Variants in DIS3L2 observed in about 807,000 individuals in gnomAD.
DIS3L2 encodes the protein DIS3-like exonuclease 2.
A neutral mutation model predicts 97.5 loss-of-function variants in DIS3L2; 34 were observed. The observed-to-expected ratio is 0.35, with a 90% CI of 0.27 to 0.46. DIS3L2 has a LOEUF of 0.46. DIS3L2 is among the 20% of genes least tolerant of loss of function. DIS3L2 has a pLI of 1.00. For synonymous variants in DIS3L2, 435 were observed against 445.2 expected (o/e 0.98, Z 0.29); for missense variants, 1,038 against 1,146.0 (o/e 0.91, Z 1.36).
chr2:232,054,884 A>T (rs555071089), intron 5 of DIS3L2, among the ~76,000 whole-genome samples: 2 of 152,192 alleles, frequency 1.3e-5, no homozygotes, highest in Non-Finnish European at 2.9e-5. Flanking sequence ...GAATCCATAG[A>T]TATGTTGTAG....
At chr2:232,238,921 A>G (rs1359235462) in intron 11 of DIS3L2, among the ~76,000 whole-genome samples, 1 of 152,216 alleles carries the variant, frequency 6.6e-6, no homozygotes, top group African/African-American at 2.4e-5. Flanking sequence ...TAGTTTTTGT[A>G]AGGTTTTATT....
At chr2:232,284,384 A>G (rs1181953151) in intron 13 of DIS3L2, among the ~76,000 whole-genome samples, 3 of 152,188 alleles carry the variant, frequency 2.0e-5, no homozygotes, top group Non-Finnish European at 2.9e-5. Flanking sequence ...TAGGCATGGT[A>G]ACTGCACCCA....
intron 9 of DIS3L2, among the ~76,000 whole-genome samples, chr2:232,175,818 C>A (rs576812914): frequency 6.6e-5 from 10 of 151,972 alleles, no homozygotes; most frequent in Admixed American, 5.9e-4. Context: ...TTTATTAATT[C>A]GGTATCTTTT....
rs372120675 is a variant in DIS3L2 at position 232,045,086 on chromosome 2, A to C, written c.366+15006A>C. Among the ~76,000 whole-genome samples, 15 of 152,284 alleles carry C rather than the reference A, an allele frequency of 9.9e-5. No homozygotes were observed. The East Asian group carries it at 1.7e-3, about 18-fold the overall frequency. On this transcript the variant is annotated intron_variant, in intron 5 of 20. Transcript: ENST00000325385. Reference sequence around the variant, plus strand: ...AATCCTGGGTGTCATGGGAGTGTGCAATAGGGATACCCAGCTAGCTTGCAG... The same window carrying C: ...AATCCTGGGTGTCATGGGAGTGTGCCATAGGGATACCCAGCTAGCTTGCAG...
intron 6 of DIS3L2, among the ~76,000 whole-genome samples, chr2:232,092,885 T>C (rs1337455072): frequency 1.3e-5 from 2 of 152,240 alleles, no homozygotes; most frequent in Non-Finnish European, 2.9e-5. Flanking sequence ...CCTTTATTTC[T>C]TTCTCTTGTC....
At chr2:232,065,905 C>T (rs555795935) in intron 5 of DIS3L2, among the ~76,000 whole-genome samples, 7 of 151,404 alleles carry the variant, frequency 4.6e-5, no homozygotes, top group Admixed American at 1.3e-4. Context: ...CTAAATCATT[C>T]ATGTTTTTGA....
intron 14 of DIS3L2, among the ~76,000 whole-genome samples, chr2:232,311,265 T>G (rs202107946): frequency 6.6e-6 from 1 of 152,262 alleles, no homozygotes; most frequent in Non-Finnish European, 1.5e-5. Context: ...GTGTGACTTA[T>G]GCATTCTGCT....
intron 1 of DIS3L2, among the ~76,000 whole-genome samples, chr2:231,983,579 T>G (rs1205082035): frequency 6.6e-6 from 1 of 152,096 alleles, no homozygotes; most frequent in Non-Finnish European, 1.5e-5. Context: ...TTATGTGCTC[T>G]TTATCAGAAT....
intron 13 of DIS3L2, among the ~76,000 whole-genome samples, chr2:232,270,860 GTCTCTCTCTCTCTCTCTC>G (rs71056262): frequency 0.019 from 1,959 of 103,864 alleles, 36 homozygotes; most frequent in African/African-American, 0.037. Flanking sequence ...TCTTTTTCTC[GTCTCTCTCTCTCTCTCTC>G]TCTCTCTCTC....
At chr2:232,175,854 C>A (rs1247215868) in intron 9 of DIS3L2, among the ~76,000 whole-genome samples, 1 of 151,916 alleles carries the variant, frequency 6.6e-6, no homozygotes, top group Non-Finnish European at 1.5e-5. Context: ...TGAACTTTTC[C>A]ATTTTTAAGT....
intron 1 of DIS3L2, among the ~76,000 whole-genome samples, chr2:232,012,556 G>A (rs1043596412): frequency 8.6e-5 from 13 of 150,346 alleles, no homozygotes; most frequent in South Asian, 4.2e-4. Context: ...AGGCTGCCGC[G>A]TTTGTTTTCT....
intron 5 of DIS3L2, among the ~76,000 whole-genome samples, chr2:232,039,219 AGTT>A (rs1695040777): frequency 6.6e-6 from 1 of 152,160 alleles, no homozygotes; most frequent in South Asian, 2.1e-4. Flanking sequence ...CACCTGTGAT[AGTT>A]GTTGGTGACA....
chr2:232,018,435 C>T (rs1005433743), intron 3 of DIS3L2, among the ~76,000 whole-genome samples: 8 of 152,028 alleles, frequency 5.3e-5, no homozygotes, highest in East Asian at 1.9e-4. Context: ...ATGAGGTCAC[C>T]GTGTGAAATA....
chr2:232,234,704 G>A (rs1213228013), intron 10 of DIS3L2, among the ~76,000 whole-genome samples: 1 of 152,206 alleles, frequency 6.6e-6, no homozygotes, highest in East Asian at 1.9e-4. Flanking sequence ...AACACTTTCA[G>A]ATGTCCTCAC....
At chr2:231,969,052 C>A (rs2050903384) in intron 1 of DIS3L2, among the ~76,000 whole-genome samples, 1 of 152,124 alleles carries the variant, frequency 6.6e-6, no homozygotes, top group African/African-American at 2.4e-5. Flanking sequence ...ATGCCTATTT[C>A]CTCTTTCACC....
At chr2:232,052,491 A>T (rs1294495961) in intron 5 of DIS3L2, among the ~76,000 whole-genome samples, 1 of 152,126 alleles carries the variant, frequency 6.6e-6, no homozygotes, top group African/African-American at 2.4e-5. Context: ...TACCAATTAC[A>T]TTCTTATTCC....
chr2:232,218,656 G>A (rs11689863), intron 10 of DIS3L2, among the ~76,000 whole-genome samples: 1,822 of 152,232 alleles, frequency 0.012, 17 homozygotes, highest in Non-Finnish European at 0.018. Flanking sequence ...GCATCAGCTG[G>A]CGTCTAATCA....
intron 10 of DIS3L2, among the ~76,000 whole-genome samples, chr2:232,238,175 G>A (rs1692984593): frequency 6.6e-6 from 1 of 151,992 alleles, no homozygotes; most frequent in African/African-American, 2.4e-5. Flanking sequence ...TAGGATTTGG[G>A]GATTAATTCA....
chr2:232,264,083 A>G (rs1163340016), intron 13 of DIS3L2, among the ~76,000 whole-genome samples: 1 of 152,224 alleles, frequency 6.6e-6, no homozygotes, highest in African/African-American at 2.4e-5. Flanking sequence ...ACTTCAGATC[A>G]TCAGGCATTA....
Sources: allele counts gnomAD v4.1 joint callset (sites outside exome capture counted in the v4.1 genomes callset), GRCh38; gene constraint gnomAD v4.1.1; transcripts MANE v1.5; gene names NCBI Gene and HGNC (gene_info 2026-07-23, HGNC 2026-07-21).